The following CHCHD2 variants were observed in gnomAD, a reference collection of about 807,000 sequenced individuals.
The protein encoded by CHCHD2 is coiled-coil-helix-coiled-coil-helix domain-containing protein 2.
CHCHD2 carries 17 observed loss-of-function variants against 17.5 expected under a neutral mutation model. That is an observed-to-expected ratio of 0.97 (90% CI 0.67 to 1.46). The LOEUF is 1.46. Among genes scored for constraint, CHCHD2 ranks in the 40% most tolerant of loss-of-function variants. CHCHD2 has a pLI of 0.00. For missense variants in CHCHD2, 175 were observed against 199.9 expected, an observed-to-expected ratio of 0.88 and a Z score of 0.75; for synonymous variants, 63 against 74.3, an observed-to-expected ratio of 0.85 and a Z score of 0.78.
Position 56,106,457 on chromosome 7 carries a change from C to T in CHCHD2, c.-44G>A, listed in dbSNP as rs775655743. On this transcript the variant is annotated 5_prime_UTR_variant, in exon 1 of 4. Transcript: ENST00000395422. ...AGGCCTCCGGACGTGGGACAACCAC[C>T]GAAGAGCTAAGCGACTTCTGAGGAG... 1.2e-6 allele frequency: 2 copies of T among 1,600,498 alleles called. No homozygotes were observed. The highest frequency in any genetic ancestry group is 2.2e-5 in the South Asian group (2 of 90,728).
At chr7:56,103,490 C>T (rs932368317) in intron 2 of CHCHD2, among the ~76,000 whole-genome samples, 5 of 152,106 alleles carry the variant, frequency 3.3e-5, no homozygotes, top group Admixed American at 6.6e-5. Context: ...GACAGGGTTG[C>T]GCTATGTTGC....
At chr7:56,101,898 C>T (rs1366042616) in intron 3 of CHCHD2, 37 bp from the exon 4 acceptor site, 11 of 1,604,636 alleles carry the variant, frequency 6.9e-6, no homozygotes, top group African/African-American at 2.7e-5. Flanking sequence ...AGAATGCTAG[C>T]TTCGTATACT....
chr7:56,105,483 A>G (rs1785366554), intron 1 of CHCHD2, among the ~76,000 whole-genome samples: 1 of 152,210 alleles, frequency 6.6e-6, no homozygotes. Flanking sequence ...CGGATCAAAT[A>G]ATTAACATAG....
chr7:56,105,474 G>A (rs1367964232), intron 1 of CHCHD2, among the ~76,000 whole-genome samples: 1 of 152,118 alleles, frequency 6.6e-6, no homozygotes, highest in Non-Finnish European at 1.5e-5. Context: ...TTTTATTGAC[G>A]GATCAAATAA....
intron 3 of CHCHD2, 45 bp from the exon 4 acceptor site, chr7:56,101,906 A>G (rs985696173): frequency 2.0e-5 from 32 of 1,582,902 alleles, no homozygotes; most frequent in Non-Finnish European, 2.7e-5. Flanking sequence ...AGCTTCGTAT[A>G]CTCAATAAAA....
intron 1 of CHCHD2, 107 bp from the exon 2 acceptor site, chr7:56,104,582 CA>C: frequency 8.5e-7 from 1 of 1,182,910 alleles, no homozygotes; most frequent in Non-Finnish European, 1.2e-6. Flanking sequence ...ATTTTCATTT[CA>C]AATTATTTAC....
chr7:56,101,888 A>G lies in CHCHD2; in HGVS notation c.446-27T>C, dbSNP rs1362453513. ...TGCAAACAGAAAAGATTAAGTTAGA[A>G]GAATGCTAGCTTCGTATACTCAATA... On this transcript the variant is annotated intron_variant, in intron 3 of 3. Transcript: ENST00000395422. The G allele has an allele frequency of 1.9e-6, 3 of 1,611,428 alleles. No homozygotes were observed. The East Asian group carries it at 6.7e-5, about 36-fold the overall frequency.
rs1289778985 is a variant in CHCHD2 at position 56,101,957 on chromosome 7, AGGCTAT to A, written c.446-102_446-97del. ...TTATGAAAGCAGCGACAAAAGGCCA[AGGCTAT>A]GGGTTTTTTGTTTTTTGTTTTTTTT... On this transcript the variant is annotated intron_variant, in intron 3 of 3. Coordinates refer to ENST00000395422, the MANE Select transcript of CHCHD2 (RefSeq NM_016139.4). 9.2e-6 allele frequency: 11 copies of A among 1,202,098 alleles called. No individual in the cohort carries two copies. The East Asian group carries it at 2.4e-4, about 26-fold the overall frequency. 74.5% of individuals were successfully genotyped at this position (1,202,098 alleles called of 1,614,324 possible).
chr7:56,102,134 A>G (rs1020094179), intron 3 of CHCHD2, among the ~76,000 whole-genome samples: 15 of 152,118 alleles, frequency 9.9e-5, no homozygotes, highest in Admixed American at 6.6e-4. Flanking sequence ...AAGGCATCCT[A>G]CAACTAACAA....
rs201974351 is a variant in CHCHD2, at chr7:56,106,348, C to A, written c.50+16G>T. The stretch of plus-strand genomic sequence containing the variant: ...GGACGGCCGCGCTTTGGTCTCAAAC[C>A]CTGCGATGGTCTCACCTGGCCGGAG... On this transcript the variant is annotated intron_variant, in intron 1 of 3. Transcript: ENST00000395422. The A allele has an allele frequency of 4.3e-6, 7 of 1,612,420 alleles. No homozygotes were observed. In the East Asian group the frequency reaches 6.7e-5, roughly 15 times the overall value.
At chr7:56,102,535 T>C (rs1055837139) in intron 3 of CHCHD2, 6 of 192,502 alleles carry the variant, frequency 3.1e-5, no homozygotes, top group African/African-American at 1.2e-4. Context: ...CCCAGCTAAT[T>C]TTTTGTATTT....
chr7:56,101,902 G>A (rs748958128), intron 3 of CHCHD2, 41 bp from the exon 4 acceptor site: 20 of 1,596,516 alleles, frequency 1.3e-5, no homozygotes, highest in Non-Finnish European at 1.5e-5. Context: ...TGCTAGCTTC[G>A]TATACTCAAT....
At chr7:56,103,274 G>A (rs760005498) in intron 2 of CHCHD2, among the ~76,000 whole-genome samples, 6 of 152,134 alleles carry the variant, frequency 3.9e-5, no homozygotes, top group Non-Finnish European at 5.9e-5. Context: ...GAGGTCAGGC[G>A]TTTGAGACCA....
Position 56,101,870 on chromosome 7 carries a change from A to T in CHCHD2, c.446-9T>A, listed in dbSNP as rs752018063. 2.6e-5 allele frequency: 42 copies of T among 1,612,890 alleles called. No homozygotes were observed. In the Middle Eastern group the frequency reaches 1.6e-3, roughly 63 times the overall value. On this transcript the variant is annotated splice_polypyrimidine_tract_variant and intron_variant, in intron 3 of 3. Coordinates refer to ENST00000395422, the MANE Select transcript of CHCHD2 (RefSeq NM_016139.4). ...TCTTCATTAGGCCAATCCTGCAAAC[A>T]GAAAAGATTAAGTTAGAAGAATGCT...
rs1216152791 is a variant in CHCHD2, at chr7:56,102,012, T to A, written c.446-151A>T. On this transcript the variant is annotated intron_variant, in intron 3 of 3. Coordinates refer to ENST00000395422, the MANE Select transcript of CHCHD2 (RefSeq NM_016139.4). ...TTTGATAAAAAATAGAGATGAGGTC[T>A]TGCTATGTTGCCCAGGCTGGTCTCG... 10 of 726,444 alleles carry A rather than the reference T, an allele frequency of 1.4e-5. No homozygotes were observed. The Admixed American group carries it at 2.4e-4, about 17-fold the overall frequency. 45.0% of individuals were successfully genotyped at this position (726,444 alleles called of 1,614,324 possible).
At chr7:56,103,470 T>G (rs1297451977) in intron 2 of CHCHD2, among the ~76,000 whole-genome samples, 1 of 152,120 alleles carries the variant, frequency 6.6e-6, no homozygotes, top group East Asian at 1.9e-4. Flanking sequence ...AAATAAATAT[T>G]TTTAGTAAAG....
intron 3 of CHCHD2, 48 bp downstream of exon 3, chr7:56,102,819 G>C: frequency 6.2e-7 from 1 of 1,600,794 alleles, no homozygotes; most frequent in Non-Finnish European, 8.6e-7. Flanking sequence ...ACAGGATCCA[G>C]GAATTCCACT....
intron 2 of CHCHD2, 117 bp downstream of exon 2, chr7:56,104,109 T>G: frequency 2.2e-6 from 3 of 1,376,118 alleles, no homozygotes; most frequent in Non-Finnish European, 3.1e-6. Context: ...CCATTGTCTA[T>G]TAACAGCACA....
Position 56,106,475 on chromosome 7 carries a change from C to T in CHCHD2, c.-62G>A. On this transcript the variant is annotated 5_prime_UTR_variant, in exon 1 of 4. Coordinates refer to ENST00000395422, the MANE Select transcript of CHCHD2 (RefSeq NM_016139.4). ...CAACCACCGAAGAGCTAAGCGACTT[C>T]TGAGGAGACCGGAAGATGGGAGGCG... 3 of 1,528,858 alleles carry T rather than the reference C, an allele frequency of 2.0e-6. No homozygotes were observed. The highest frequency in any genetic ancestry group is 2.7e-6 in the Non-Finnish European group (3 of 1,104,004). The allele number at this position is 1,528,858 out of a possible 1,614,324, so 94.7% of individuals were successfully genotyped here. A position where few individuals can be genotyped will look rare whatever the true frequency, so the allele number is the denominator to read the frequency against.
Sources: gnomAD v4.1 joint callset for allele counts (sites outside exome capture counted in the v4.1 genomes callset) on GRCh38, gnomAD v4.1.1 for gene constraint, MANE v1.5 for transcripts, NCBI Gene and HGNC (gene_info 2026-07-23, HGNC 2026-07-21) for gene names.